Variants in OSBPL6 observed in about 807,000 individuals in gnomAD.
OSBPL6 encodes the protein oxysterol binding protein like 6.
In OSBPL6, 49 loss-of-function variants were observed where a neutral mutation model predicts 125.8. The ratio of observed to expected loss-of-function variants is 0.39; its 90% CI spans 0.31 to 0.49. OSBPL6 has a LOEUF of 0.49. Ranked by LOEUF, OSBPL6 falls within the 20% of genes least tolerant of loss-of-function variation. OSBPL6 has a pLI of 0.88. For missense variants in OSBPL6, 986 were observed against 1,135.4 expected (o/e 0.87, Z 1.89); for synonymous variants, 394 against 391.8 (o/e 1.01, Z -0.07).
chr2:178,383,005 G>A lies in OSBPL6; in HGVS notation c.1622-19G>A. 2 of 1,613,316 alleles carry A rather than the reference G, an allele frequency of 1.2e-6. No homozygotes were observed. The highest frequency in any genetic ancestry group is 8.5e-7 in the Non-Finnish European group (1 of 1,179,640). ...TCAGAACAGCAAAGTGTCCTTCACTGTGACTCTCCTTCTTCCAGTCCTGAA... is the reference window on the plus strand; with the variant it reads ...TCAGAACAGCAAAGTGTCCTTCACTATGACTCTCCTTCTTCCAGTCCTGAA... On this transcript the variant is annotated intron_variant, in intron 16 of 24. Coordinates refer to ENST00000190611, the MANE Select transcript of OSBPL6 (RefSeq NM_032523.4).
At chr2:178,271,192 T>C (rs1385718236) in intron 1 of OSBPL6, among the ~76,000 whole-genome samples, 1 of 152,214 alleles carries the variant, frequency 6.6e-6, no homozygotes, top group Non-Finnish European at 1.5e-5. Context: ...TTGTTCACTG[T>C]CTCGGCATTT....
At chr2:178,339,472 A>C (rs1444111329) in intron 10 of OSBPL6, among the ~76,000 whole-genome samples, 200 bp from the exon 11 acceptor site, 1 of 152,250 alleles carries the variant, frequency 6.6e-6, no homozygotes, top group Middle Eastern at 3.4e-3. Context: ...TTTGTTTATC[A>C]GTAAAATATA....
At position 178,304,383 on chromosome 2, in the gene OSBPL6, C is replaced by T. The variant is rs961830415; in HGVS notation, c.-155-1647C>T. The stretch of plus-strand genomic sequence containing the variant: ...AGCAAACACTTCCTTCTTCACATGT[C>T]AGCAGCGAGGAGAAATGCCAAACAA... On this transcript the variant is annotated intron_variant, in intron 2 of 24. Transcript: ENST00000190611. 2.6e-5 allele frequency among the ~76,000 whole-genome samples: 4 copies of T among 152,172 alleles called. No individual in the cohort carries two copies. The East Asian group carries it at 7.7e-4, about 29-fold the overall frequency.
intron 1 of OSBPL6, among the ~76,000 whole-genome samples, chr2:178,232,357 T>G (rs1410313192): frequency 6.6e-6 from 1 of 152,148 alleles, no homozygotes; most frequent in African/African-American, 2.4e-5. Flanking sequence ...AGTTTGGAAA[T>G]TACTAATCCC....
At chr2:178,214,073 A>G (rs2089983779) in intron 1 of OSBPL6, among the ~76,000 whole-genome samples, 1 of 152,192 alleles carries the variant, frequency 6.6e-6, no homozygotes, top group Non-Finnish European at 1.5e-5. Flanking sequence ...ACTATCCTGT[A>G]AACTCCCTAA....
chr2:178,339,125 CT>C, intron 10 of OSBPL6, 31 bp downstream of exon 10: 1 of 1,399,600 alleles, frequency 7.1e-7, no homozygotes, highest in Non-Finnish European at 1.0e-6. Context: ...GGTAAAAGGA[CT>C]TAGGGTATTA....
At position 178,274,200 on chromosome 2, in the gene OSBPL6, A is replaced by G. The variant is rs2154026538; in HGVS notation, c.-350-10727A>G. Among the ~76,000 whole-genome samples the G allele has an allele frequency of 2.0e-5, 3 of 152,256 alleles. No individual in the cohort carries two copies. In the East Asian group the frequency reaches 5.8e-4, roughly 29 times the overall value. On this transcript the variant is annotated intron_variant, in intron 1 of 24. Transcript: ENST00000190611. ...AAGAATTTTATCAGATAGGCTTGCA[A>G]CACTTTTCAGTTGATAAAAACATTA...
chr2:178,204,030 T>TC (rs1209312117), intron 1 of OSBPL6, among the ~76,000 whole-genome samples: 1 of 149,820 alleles, frequency 6.7e-6, no homozygotes, highest in South Asian at 2.1e-4. Flanking sequence ...TTTTTCTTTT[T>TC]TTTTTTTTTT....
chr2:178,249,182 C>T (rs893419825), intron 1 of OSBPL6, among the ~76,000 whole-genome samples: 1 of 152,206 alleles, frequency 6.6e-6, no homozygotes, highest in African/African-American at 2.4e-5. Context: ...TCAAGCAATC[C>T]ACCCACCTCA....
At chr2:178,394,203 G>A (rs1233116174) in intron 23 of OSBPL6, 110 bp from the exon 24 acceptor site, 3 of 1,377,140 alleles carry the variant, frequency 2.2e-6, no homozygotes, top group African/African-American at 2.9e-5. Context: ...GTCCGTTACT[G>A]TGCGGTATTT....
At chr2:178,259,582 A>G (rs1434359672) in intron 1 of OSBPL6, among the ~76,000 whole-genome samples, 2 of 152,058 alleles carry the variant, frequency 1.3e-5, no homozygotes, top group Non-Finnish European at 2.9e-5. Context: ...AATTATCTCT[A>G]TTTTAGGTTG....
chr2:178,276,269 C>T (rs1236074848), intron 1 of OSBPL6, among the ~76,000 whole-genome samples: 2 of 151,772 alleles, frequency 1.3e-5, no homozygotes, highest in Non-Finnish European at 2.9e-5. Flanking sequence ...CTGAAGTTTT[C>T]TCTCAGTGAG....
chr2:178,268,497 A>G (rs2092301661), intron 1 of OSBPL6, among the ~76,000 whole-genome samples: 1 of 152,234 alleles, frequency 6.6e-6, no homozygotes, highest in Non-Finnish European at 1.5e-5. Context: ...ATGAAGATAT[A>G]GAGCATTTCT....
At position 178,401,192 on chromosome 2, in the gene OSBPL6, C is replaced by A. The variant is rs986921476; in HGVS notation, c.*5633C>A. The A allele has an allele frequency of 1.3e-5, 2 of 152,196 alleles. No individual in the cohort carries two copies. Among genetic ancestry groups the A allele is most frequent in the African/African-American group, 4.8e-5 (2 of 41,440 alleles). The allele number at this position is 152,196 out of a possible 1,614,324, so 9.4% of individuals were successfully genotyped here. A position where few individuals can be genotyped will look rare whatever the true frequency, so the allele number is the denominator to read the frequency against. On this transcript the variant is annotated 3_prime_UTR_variant, in exon 25 of 25. Transcript: ENST00000190611. ...GACTCACTGACAAAGCCGTCGGTATCCAGAATGACTGCTCTTGAAATGATA... is the reference window on the plus strand; with the variant it reads ...GACTCACTGACAAAGCCGTCGGTATACAGAATGACTGCTCTTGAAATGATA...
intron 19 of OSBPL6, among the ~76,000 whole-genome samples, 191 bp from the exon 20 acceptor site, chr2:178,386,870 G>A (rs1169431026): frequency 2.7e-5 from 4 of 150,656 alleles, no homozygotes; most frequent in Non-Finnish European, 5.9e-5. Context: ...TTGTTTGTTT[G>A]TTTATTTTTT....
chr2:178,225,170 G>A lies in OSBPL6; in HGVS notation c.-351+30496G>A, dbSNP rs376884087. 3.0e-4 allele frequency among the ~76,000 whole-genome samples: 46 copies of A among 151,662 alleles called. 1 individual carries two copies. The Middle Eastern group carries it at 0.01, about 34-fold the overall frequency. ...CTAATAGGCAGAAAGGCATTGTGTAGCCCTGGGATGAAAGCCTCTCTAGAG... is the reference window on the plus strand; with the variant it reads ...CTAATAGGCAGAAAGGCATTGTGTAACCCTGGGATGAAAGCCTCTCTAGAG... On this transcript the variant is annotated intron_variant, in intron 1 of 24. Coordinates refer to ENST00000190611, the MANE Select transcript of OSBPL6 (RefSeq NM_032523.4).
intron 1 of OSBPL6, among the ~76,000 whole-genome samples, chr2:178,278,883 AAG>A (rs2154029173): frequency 6.6e-6 from 1 of 152,342 alleles, no homozygotes; most frequent in African/African-American, 2.4e-5. Flanking sequence ...ATAATAAAAA[AAG>A]GTGTTGTACT....
intron 1 of OSBPL6, among the ~76,000 whole-genome samples, chr2:178,232,308 A>G (rs1334748734): frequency 3.3e-5 from 5 of 152,190 alleles, no homozygotes; most frequent in African/African-American, 1.2e-4. Context: ...CTCTCAAATT[A>G]TGTTTCTCAT....
chr2:178,237,330 G>A (rs1408509912), intron 1 of OSBPL6, among the ~76,000 whole-genome samples: 1 of 140,066 alleles, frequency 7.1e-6, no homozygotes, highest in Non-Finnish European at 1.5e-5. Context: ...TCAGATACAT[G>A]TTTTCTCAAT....
Sources: allele counts gnomAD v4.1 joint callset (sites outside exome capture counted in the v4.1 genomes callset), GRCh38; gene constraint gnomAD v4.1.1; transcripts MANE v1.5; gene names NCBI Gene and HGNC (gene_info 2026-07-23, HGNC 2026-07-21).